MECOM: variants seen among roughly 807,000 people sequenced by gnomAD.
MECOM encodes MDS1 and EVI1 complex locus.
MECOM carries 13 observed loss-of-function variants against 116.3 expected under a neutral mutation model. That is an observed-to-expected ratio of 0.11 (90% CI 0.07 to 0.18). MECOM has a LOEUF of 0.18. Among genes scored for constraint, MECOM ranks in the 10% least tolerant of loss-of-function variants. The pLI, the probability that MECOM is intolerant of heterozygous loss-of-function variation, is 1.00. For synonymous variants in MECOM, 528 were observed against 535.2 expected (o/e 0.99, Z 0.19); for missense variants, 1,299 against 1,509.0 (o/e 0.86, Z 2.31).
intron 2 of MECOM, among the ~76,000 whole-genome samples, chr3:169,175,119 AGTCTTTTTC>A (rs1422301854): frequency 2.6e-5 from 4 of 152,138 alleles, no homozygotes; most frequent in African/African-American, 9.7e-5. Flanking sequence ...CCAACTCACA[AGTCTTTTTC>A]CTCATATATA....
intron 2 of MECOM, among the ~76,000 whole-genome samples, chr3:169,150,261 A>G (rs1466726961): frequency 6.6e-6 from 1 of 152,198 alleles, no homozygotes; most frequent in Non-Finnish European, 1.5e-5. Context: ...AGGTTAGAGG[A>G]AAAGGATTTT....
Position 169,327,358 on chromosome 3 carries a change from G to A in MECOM, c.375+53829C>T, listed in dbSNP as rs906918861. 2.0e-5 allele frequency among the ~76,000 whole-genome samples: 3 copies of A among 152,120 alleles called. No homozygotes were observed. In the East Asian group the frequency reaches 5.8e-4, roughly 29 times the overall value. On this transcript the variant is annotated intron_variant, in intron 2 of 16. Coordinates refer to ENST00000651503, the MANE Select transcript of MECOM (RefSeq NM_004991.4). ...AAAAAATAAAAATTAAAAATTAGCT[G>A]GCTGGGCACGGTGGCTCACGCCTGT...
intron 1 of MECOM, among the ~76,000 whole-genome samples, chr3:169,618,385 G>A (rs115445787): frequency 0.012 from 1,801 of 152,176 alleles, 38 homozygotes; most frequent in African/African-American, 0.042. Flanking sequence ...TAGGCTGGGC[G>A]GTGGCTCACA....
intron 1 of MECOM, among the ~76,000 whole-genome samples, chr3:169,652,795 T>C (rs576044443): frequency 5.6e-4 from 86 of 152,322 alleles, no homozygotes; most frequent in African/African-American, 2.1e-3. Context: ...CTTGACACCA[T>C]GCTCTATATT....
chr3:169,231,928 C>A (rs1023362334), intron 2 of MECOM, among the ~76,000 whole-genome samples: 1 of 152,146 alleles, frequency 6.6e-6, no homozygotes, highest in Non-Finnish European at 1.5e-5. Context: ...GGGCTTTTAC[C>A]TTCTAAGCTG....
chr3:169,574,684 G>GT (rs1764277073), intron 1 of MECOM, among the ~76,000 whole-genome samples: 1 of 152,168 alleles, frequency 6.6e-6, no homozygotes, highest in Admixed American at 6.5e-5. Context: ...ATCCTTCATT[G>GT]TTTAAGTATC....
chr3:169,647,756 G>A (rs1415041081), intron 1 of MECOM, among the ~76,000 whole-genome samples: 1 of 152,098 alleles, frequency 6.6e-6, no homozygotes, highest in Non-Finnish European at 1.5e-5. Context: ...TTATACATAT[G>A]TCATCTTATG....
chr3:169,662,177 G>GC (rs968127929), intron 1 of MECOM, among the ~76,000 whole-genome samples: 1 of 152,206 alleles, frequency 6.6e-6, no homozygotes, highest in African/African-American at 2.4e-5. Context: ...GACTCCCACC[G>GC]CCCCCTCCCC....
rs185121377 is a variant in MECOM, at chr3:169,518,176, G to A, written c.38-136652C>T. On this transcript the variant is annotated intron_variant, in intron 1 of 16. Coordinates refer to ENST00000651503, the MANE Select transcript of MECOM (RefSeq NM_004991.4). Reference sequence around the variant, plus strand: ...TGGGAGGCTGAGGCAGGAGAATGGTGCGAACCCGGGAGGCGGAGCTTGCAG... The same window carrying A: ...TGGGAGGCTGAGGCAGGAGAATGGTACGAACCCGGGAGGCGGAGCTTGCAG... Among the ~76,000 whole-genome samples, 1,105 of 151,980 alleles carry A rather than the reference G, an allele frequency of 7.3e-3. 16 individuals carry two copies. The highest frequency in any genetic ancestry group is 0.025 in the African/African-American group (1,030 of 41,476).
intron 3 of MECOM, among the ~76,000 whole-genome samples, chr3:169,135,734 T>G (rs1415386261): frequency 6.6e-6 from 1 of 151,928 alleles, no homozygotes; most frequent in Admixed American, 6.6e-5. Context: ...ACTCTTTTTA[T>G]TTTTCTATGA....
intron 2 of MECOM, among the ~76,000 whole-genome samples, chr3:169,263,185 G>A (rs1757821959): frequency 7.5e-6 from 1 of 133,484 alleles, no homozygotes; most frequent in African/African-American, 2.8e-5. Context: ...CTGGAGTGCA[G>A]TGGCGCAATC....
chr3:169,096,626 ATCCTTCCATGTGTGAAGGGCCCTTC>A (rs1721581815), intron 12 of MECOM, among the ~76,000 whole-genome samples: 1 of 152,128 alleles, frequency 6.6e-6, no homozygotes, highest in Non-Finnish European at 1.5e-5. Context: ...TTCTTAACTC[ATCCTTCCATGTGTGAAGGGCCCTTC>A]TCCTCCCACT....
At chr3:169,648,644 A>T (rs1774475190) in intron 1 of MECOM, among the ~76,000 whole-genome samples, 1 of 152,252 alleles carries the variant, frequency 6.6e-6, no homozygotes, top group African/African-American at 2.4e-5. Context: ...TTGGATGCAT[A>T]CACATAGCTC....
At chr3:169,320,096 T>A (rs982268755) in intron 2 of MECOM, among the ~76,000 whole-genome samples, 2 of 152,180 alleles carry the variant, frequency 1.3e-5, no homozygotes, top group Non-Finnish European at 2.9e-5. Context: ...ATGTAGACAA[T>A]CCTTTTAAGA....
intron 2 of MECOM, among the ~76,000 whole-genome samples, chr3:169,305,595 A>G (rs867583536): frequency 2.6e-4 from 40 of 152,364 alleles, no homozygotes; most frequent in Admixed American, 9.8e-4. Flanking sequence ...CCTGTCTTAC[A>G]ATGGACACGT....
Position 169,102,205 on chromosome 3 carries a change from C to T in MECOM, c.2626G>A (p.Ala876Thr). The T allele has an allele frequency of 8.1e-6, 13 of 1,612,974 alleles. No homozygotes were observed. The highest frequency in any genetic ancestry group is 1.0e-5 in the Non-Finnish European group (12 of 1,179,344). Residue 876 changes from alanine to threonine, a missense_variant, in exon 11 of 17, where the codon GCA (alanine) becomes ACA (threonine). Ala to Thr is a moderately conservative substitution (Grantham distance 58). This residue lies in a region of MECOM where 340 missense variants were observed against 312.6 expected (regional missense o/e 1.09). Transcript: ENST00000651503. ...RTWMSAIENM[A>T]EKLESFSALK... is the part of the protein sequence containing the mutation. ...GCACTGAAGCTCTCTAGCTTTTCTG[C>T]CATGTTTTCAATAGCTGACATCTGA...
intron 2 of MECOM, among the ~76,000 whole-genome samples, chr3:169,195,921 C>T (rs1315781595): frequency 1.3e-5 from 2 of 152,034 alleles, no homozygotes; most frequent in African/African-American, 2.4e-5. Flanking sequence ...TGTTCTGTCA[C>T]AGATATCATT....
intron 1 of MECOM, among the ~76,000 whole-genome samples, chr3:169,413,195 C>G (rs755301437): frequency 5.9e-5 from 9 of 152,184 alleles, no homozygotes; most frequent in Non-Finnish European, 1.3e-4. Context: ...TGGTTGCAGC[C>G]CACAGAGGGC....
At chr3:169,104,813 A>G (rs1724801961) in intron 10 of MECOM, among the ~76,000 whole-genome samples, 1 of 152,222 alleles carries the variant, frequency 6.6e-6, no homozygotes, top group South Asian at 2.1e-4. Flanking sequence ...AGCTGCTAAT[A>G]GCTAGCTCCT....
Sources: gnomAD v4.1 joint callset for allele counts (sites outside exome capture counted in the v4.1 genomes callset) on GRCh38, gnomAD v4.1.1 for gene constraint, gnomAD v4.1.1 regional missense constraint, MANE v1.5 for transcripts, NCBI Gene and HGNC (gene_info 2026-07-23, HGNC 2026-07-21) for gene names.